DPH6: variants seen among roughly 807,000 people sequenced by gnomAD.
The protein encoded by DPH6 is diphthine--ammonia ligase.
Under a neutral mutation model 38.2 loss-of-function variants are expected in DPH6, and 33 were observed. That is an observed-to-expected ratio of 0.86 (90% confidence interval 0.65 to 1.15). DPH6 has a LOEUF of 1.15. DPH6 is among the 50% of genes most tolerant of loss of function. The pLI, the probability that DPH6 is intolerant of heterozygous loss-of-function variation, is 0.00. For synonymous variants in DPH6, 108 were observed against 103.0 expected (o/e 1.05, Z -0.30); for missense variants, 325 against 320.0 (o/e 1.02, Z -0.12).
chr15:35,374,505 A>T (rs1047885990), intron 7 of DPH6, among the ~76,000 whole-genome samples: 1 of 152,092 alleles, frequency 6.6e-6, no homozygotes, highest in Non-Finnish European at 1.5e-5. Context: ...AATAGAAGAA[A>T]TCTCAAAATA....
chr15:35,238,259 T>A (rs1342518057), intron 3 of DPH6: 3 of 486,074 alleles, frequency 6.2e-6, no homozygotes, highest in Non-Finnish European at 7.3e-6. Flanking sequence ...AAATACTATT[T>A]TTACTGCCAA....
the DPH6 span, chr15:35,169,480 A>G: frequency 1.3e-5 from 2 of 152,190 alleles, no homozygotes; most frequent in Non-Finnish European, 2.9e-5. Flanking sequence ...AGCCGATTTC[A>G]AAGTCACTGA....
rs2051556424 is a variant in DPH6, at chr15:35,236,919, CTATTTTTGTTCCTAGTCGATAGA to C, written n.201-16360_201-16338del. Among the ~76,000 whole-genome samples the C allele has an allele frequency of 2.0e-5, 3 of 152,226 alleles. No individual in the cohort carries two copies. The South Asian group carries it at 6.2e-4, about 32-fold the overall frequency. ...TTTTAATGTATTCTGTTAATAAACA[CTATTTTTGTTCCTAGTCGATAGA>C]TATTTTTGTTCCTAGTTGATAAAGT... is the stretch of plus-strand genomic sequence containing the variant. On this transcript the variant is annotated intron_variant and non_coding_transcript_variant, in intron 3 of 3. Coordinates refer to the DPH6 transcript ENST00000560386.
chr15:35,289,304 G>T (rs779774263), intron 3 of DPH6, among the ~76,000 whole-genome samples: 9 of 152,130 alleles, frequency 5.9e-5, no homozygotes, highest in Non-Finnish European at 7.4e-5. Flanking sequence ...AATTCCCAAA[G>T]AAACATATAT....
At chr15:35,449,444 C>A (rs544103468) in intron 5 of DPH6, among the ~76,000 whole-genome samples, 6 of 152,156 alleles carry the variant, frequency 3.9e-5, no homozygotes, top group Admixed American at 1.3e-4. Flanking sequence ...TAAGGGAGGT[C>A]TCTCTGGGTC....
At chr15:35,419,830 C>A (rs2053482129) in intron 5 of DPH6, among the ~76,000 whole-genome samples, 1 of 152,078 alleles carries the variant, frequency 6.6e-6, no homozygotes, top group Non-Finnish European at 1.5e-5. Context: ...TAGACTGCAA[C>A]ACAATAATAG....
intron 3 of DPH6, among the ~76,000 whole-genome samples, chr15:35,229,515 A>G (rs1342122070): frequency 6.6e-6 from 1 of 152,122 alleles, no homozygotes; most frequent in African/African-American, 2.4e-5. Context: ...GAAAGGTCAC[A>G]TATCTCTGTT....
chr15:35,464,091 C>A (rs112869846), intron 3 of DPH6, among the ~76,000 whole-genome samples: 5,196 of 151,926 alleles, frequency 0.034, 280 homozygotes, highest in African/African-American at 0.12. Context: ...GTCAGGAGTT[C>A]GAGACCATCC....
At chr15:35,195,781 C>T in the DPH6 span, among the ~76,000 whole-genome samples, 1 of 152,176 alleles carries the variant, frequency 6.6e-6, no homozygotes, top group Admixed American at 6.5e-5. Flanking sequence ...TCTGCTCTGA[C>T]TGGTTGATGC....
At chr15:35,355,393 C>G (rs950279931) in intron 3 of DPH6, among the ~76,000 whole-genome samples, 5 of 152,154 alleles carry the variant, frequency 3.3e-5, no homozygotes, top group African/African-American at 1.2e-4. Context: ...ATGGTCTTTA[C>G]AATTTGGCAT....
At chr15:35,326,004 A>G (rs2052278922), downstream of DPH6, among the ~76,000 whole-genome samples, 1 of 152,186 alleles carries the variant, frequency 6.6e-6, no homozygotes, top group African/African-American at 2.4e-5. Flanking sequence ...AAGATACCAC[A>G]ATATACCAAT....
chr15:35,232,564 G>C (rs2051525295), intron 3 of DPH6, among the ~76,000 whole-genome samples: 1 of 152,082 alleles, frequency 6.6e-6, no homozygotes, highest in Admixed American at 6.6e-5. Flanking sequence ...CCAGGTGACA[G>C]AGCAATACTC....
chr15:35,454,828 T>G lies in DPH6; in HGVS notation c.313-8A>C. ...CTCTACTTCTTCTTTTTCCTGAAAA[T>G]AAAGAAAAAAACCATAACTTTAAAA... is the stretch of plus-strand genomic sequence containing the variant. On this transcript the variant is annotated splice_polypyrimidine_tract_variant and splice_region_variant and intron_variant, in intron 3 of 8. Transcript: ENST00000256538. 1.3e-6 allele frequency: 2 copies of G among 1,587,230 alleles called. No homozygotes were observed. Among genetic ancestry groups the G allele is most frequent in the Non-Finnish European group, 1.7e-6 (2 of 1,169,162 alleles).
At chr15:35,513,793 G>A (rs1189232276) in intron 3 of DPH6, among the ~76,000 whole-genome samples, 3 of 151,860 alleles carry the variant, frequency 2.0e-5, no homozygotes, top group Non-Finnish European at 4.4e-5. Context: ...TCTTTAAGAT[G>A]TCCAGATAAT....
chr15:35,347,741 T>C (rs2052474832), intron 3 of DPH6, among the ~76,000 whole-genome samples: 2 of 152,126 alleles, frequency 1.3e-5, no homozygotes, highest in African/African-American at 4.8e-5. Flanking sequence ...TTGGTGAGAA[T>C]GTAAAATACA....
chr15:35,526,828 A>G (rs778563973), intron 3 of DPH6, among the ~76,000 whole-genome samples: 1 of 152,186 alleles, frequency 6.6e-6, no homozygotes, highest in Non-Finnish European at 1.5e-5. Context: ...AGAACCACTG[A>G]TATCTTTAGG....
Position 35,436,514 on chromosome 15 carries a change from C to CAAAAA in DPH6, c.505+14166_505+14170dup, listed in dbSNP as rs1277172991. Among the ~76,000 whole-genome samples, 183 of 123,212 alleles carry CAAAAA rather than the reference C, an allele frequency of 1.5e-3. 5 individuals carry two copies. Among genetic ancestry groups the CAAAAA allele is most frequent in the Non-Finnish European group, 2.5e-3 (154 of 62,486 alleles). The allele number at this position is 123,212 out of a possible 152,430, so 80.8% of individuals were successfully genotyped here. The stretch of plus-strand genomic sequence containing the variant: ...CAAAACAAAACAAAACAAAACAAAA[C>CAAAAA]AAAAAAGGTTCTCTCCCTGTTCGTC... On this transcript the variant is annotated intron_variant, in intron 5 of 8. Transcript: ENST00000256538.
At chr15:35,383,123 A>G (rs2052894400) in intron 6 of DPH6, among the ~76,000 whole-genome samples, 1 of 152,162 alleles carries the variant, frequency 6.6e-6, no homozygotes, top group Admixed American at 6.5e-5. Flanking sequence ...ATTTATTAGC[A>G]TTCTTTTATT....
rs1224823672 is a variant in DPH6, at chr15:35,383,131, A to G, written c.568-1215T>C. Among the ~76,000 whole-genome samples, 7 of 152,314 alleles carry G rather than the reference A, an allele frequency of 4.6e-5. No individual in the cohort carries two copies. In the East Asian group the frequency reaches 1.3e-3, roughly 29 times the overall value. ...CCTTATCATTTATTAGCATTCTTTT[A>G]TTAGAAAATGTTTTACTGAAGTTCT... On this transcript the variant is annotated intron_variant, in intron 6 of 8. Coordinates refer to ENST00000256538, the MANE Select transcript of DPH6 (RefSeq NM_080650.4).
Sources: allele counts gnomAD v4.1 joint callset (sites outside exome capture counted in the v4.1 genomes callset), GRCh38; gene constraint gnomAD v4.1.1; transcripts MANE v1.5; gene names NCBI Gene and HGNC (gene_info 2026-07-23, HGNC 2026-07-21).